ITPRIP: variants seen among roughly 807,000 people sequenced by gnomAD.
ITPRIP encodes inositol 1,4,5-trisphosphate receptor interacting protein.
A neutral mutation model predicts 35.8 loss-of-function variants in ITPRIP; 32 were observed. The observed-to-expected ratio is 0.89, with a 90% CI of 0.68 to 1.20. ITPRIP has a LOEUF of 1.20. Among genes scored for constraint, ITPRIP ranks in the 50% most tolerant of loss-of-function variants. The pLI, the probability that ITPRIP is intolerant of heterozygous loss-of-function variation, is 0.00. For missense variants in ITPRIP, 653 were observed against 735.6 expected, an observed-to-expected ratio of 0.89 and a Z score of 1.30; for synonymous variants, 358 against 324.0, an observed-to-expected ratio of 1.11 and a Z score of -1.13.
chr10:104,314,616 A>C lies in ITPRIP; in HGVS notation c.1436T>G (p.Ile479Ser). ...LLQKKLHHFF[I>S]GNRKVPEAMG... The stretch of plus-strand genomic sequence containing the variant: ...GGCCTCAGGCACCTTGCGGTTGCCG[A>C]TGAAGAAGTGGTGGAGCTTCTTCTG... Residue 479 changes from isoleucine to serine, a missense_variant, in exon 2 of 2, where the codon ATC becomes AGC. Transcript: ENST00000337478. The C allele has an allele frequency of 6.2e-7, 1 of 1,614,182 alleles. No homozygotes were observed. The highest frequency in any genetic ancestry group is 1.1e-5 in the South Asian group (1 of 91,090).
chr10:104,314,037 G>C lies in ITPRIP; in HGVS notation c.*371C>G. ...TTGTAGATCCTCTGCTCATATTCAAGTACAGACTGGATCTGGGATTCAAAA... is the reference window on the plus strand; with the variant it reads ...TTGTAGATCCTCTGCTCATATTCAACTACAGACTGGATCTGGGATTCAAAA... On this transcript the variant is annotated 3_prime_UTR_variant, in exon 2 of 2. Transcript: ENST00000337478. The C allele has an allele frequency of 2.9e-6, 3 of 1,030,672 alleles. No homozygotes were observed. Among genetic ancestry groups the C allele is most frequent in the Non-Finnish European group, 3.5e-6 (3 of 857,618 alleles). 63.8% of individuals were successfully genotyped at this position (1,030,672 alleles called of 1,614,324 possible).
intron 1 of ITPRIP, among the ~76,000 whole-genome samples, chr10:104,334,583 A>C (rs543235791): frequency 6.6e-6 from 1 of 152,342 alleles, no homozygotes; most frequent in South Asian, 2.1e-4. Flanking sequence ...ACATTATGAG[A>C]GAGGAAAGGG....
In ITPRIP at chr10:104,328,452, G is replaced by T. The variant is rs146523795; in HGVS notation, c.-14+9794C>A. 0.011 allele frequency among the ~76,000 whole-genome samples: 1,708 copies of T among 152,126 alleles called. 24 individuals are homozygous for T. Among genetic ancestry groups the T allele is most frequent in the Non-Finnish European group, 0.017 (1,170 of 68,004 alleles). On this transcript the variant is annotated intron_variant, in intron 1 of 1. Transcript: ENST00000337478. This position sits in a 1 kb window ranked among gnomAD's most constrained non-coding sequence, Gnocchi z 4.1. Reference sequence around the variant, plus strand: ...CCTGCCTCCAAGCAGAGCCACAAACGTTCAGGCAAAACCACACTTTCTCAG... The same window carrying T: ...CCTGCCTCCAAGCAGAGCCACAAACTTTCAGGCAAAACCACACTTTCTCAG...
At position 104,315,191 on chromosome 10, in the gene ITPRIP, C is replaced by G. The variant is rs2013623618; in HGVS notation, c.861G>C (p.Leu287=). The G allele has an allele frequency of 1.2e-6, 2 of 1,614,116 alleles. No homozygotes were observed. The highest frequency in any genetic ancestry group is 2.7e-5 in the African/African-American group (2 of 75,058). Residue 287 remains leucine, a synonymous_variant, in exon 2 of 2, where the codon CTG becomes CTC. Coordinates refer to ENST00000337478, the MANE Select transcript of ITPRIP (RefSeq NM_001272013.2). The surrounding 1 kb of genome is among the most constrained non-coding windows in gnomAD (Gnocchi z 5.7). ...CCAGGTACAGGGAATCTGTGGCACA[C>G]AGCAGGTTCTCCATGTCGCCGCAGG... is the stretch of plus-strand genomic sequence containing the variant. ...APPCGDMENL[L]CATDSLYLDT... is the part of the protein sequence containing the mutation.
chr10:104,325,393 T>C (rs534150370), intron 1 of ITPRIP, among the ~76,000 whole-genome samples: 192 of 152,122 alleles, frequency 1.3e-3, no homozygotes, highest in African/African-American at 4.2e-3. Context: ...AGTCCATGAC[T>C]CCCTGAAATA....
At chr10:104,322,569 A>C (rs980995288) in intron 1 of ITPRIP, among the ~76,000 whole-genome samples, 5 of 152,232 alleles carry the variant, frequency 3.3e-5, no homozygotes, top group Admixed American at 6.5e-5. Flanking sequence ...CTTATGTCTG[A>C]GAACCATCCC....
intron 1 of ITPRIP, among the ~76,000 whole-genome samples, chr10:104,337,251 A>G (rs1327808823): frequency 2.6e-5 from 4 of 152,236 alleles, no homozygotes; most frequent in Non-Finnish European, 5.9e-5. Context: ...AGGCAAGAGC[A>G]CTGGGTCATA....
chr10:104,325,038 C>T (rs993643363), intron 1 of ITPRIP, among the ~76,000 whole-genome samples: 3 of 152,104 alleles, frequency 2.0e-5, no homozygotes, highest in Non-Finnish European at 4.4e-5. Flanking sequence ...GGCAACATGG[C>T]GAAGCCCCGT....
intron 1 of ITPRIP, among the ~76,000 whole-genome samples, chr10:104,332,372 A>G (rs1405035663): frequency 6.6e-6 from 1 of 152,254 alleles, no homozygotes. Context: ...AGCCACCGAA[A>G]TGCTGGACAT....
At position 104,309,905 on chromosome 10, in the gene ITPRIP, T is replaced by G. The variant is rs1374915116; in HGVS notation, c.*4503A>C. The G allele has an allele frequency of 6.6e-6, 1 of 152,230 alleles. No homozygotes were observed. Among genetic ancestry groups the G allele is most frequent in the Non-Finnish European group, 1.5e-5 (1 of 68,034 alleles). The allele number at this position is 152,230 out of a possible 1,614,324, so 9.4% of individuals were successfully genotyped here. ...AGTACTTGAATTTTAAAATTATGAC[T>G]GTATTATTGCTTTTATGTTTATTTT... On this transcript the variant is annotated 3_prime_UTR_variant, in exon 2 of 2. Transcript: ENST00000337478.
chr10:104,322,499 T>C (rs1169332346), intron 1 of ITPRIP, among the ~76,000 whole-genome samples: 1 of 152,222 alleles, frequency 6.6e-6, no homozygotes, highest in Admixed American at 6.5e-5. Context: ...TGATCAGAAA[T>C]GCCAGGGCTG....
At chr10:104,325,776 G>T (rs1404682227) in intron 1 of ITPRIP, among the ~76,000 whole-genome samples, 1 of 152,220 alleles carries the variant, frequency 6.6e-6, no homozygotes, top group Admixed American at 6.5e-5. Context: ...AGGCCTAATG[G>T]TGCTGCGCTA....
intron 1 of ITPRIP, among the ~76,000 whole-genome samples, chr10:104,322,741 G>A (rs2013886373): frequency 6.6e-6 from 1 of 152,192 alleles, no homozygotes; most frequent in African/African-American, 2.4e-5. Flanking sequence ...CTGGCGTCAC[G>A]TTCAGAGCCA....
At chr10:104,316,971 T>C (rs2013709547) in intron 1 of ITPRIP, among the ~76,000 whole-genome samples, 1 of 152,174 alleles carries the variant, frequency 6.6e-6, no homozygotes, top group Non-Finnish European at 1.5e-5. Context: ...TCTCACAGGG[T>C]CATGGTATTG....
At chr10:104,336,959 G>C (rs141145942) in intron 1 of ITPRIP, among the ~76,000 whole-genome samples, 4 of 152,334 alleles carry the variant, frequency 2.6e-5, no homozygotes, top group African/African-American at 9.6e-5. Flanking sequence ...AGGGAGAGCA[G>C]AGAGTCAGTA....
intron 1 of ITPRIP, among the ~76,000 whole-genome samples, chr10:104,319,193 C>T (rs2013777449): frequency 6.6e-6 from 1 of 152,256 alleles, no homozygotes; most frequent in East Asian, 1.9e-4. Flanking sequence ...CACGCTTTCC[C>T]TGTGAGGAGG....
intron 1 of ITPRIP, among the ~76,000 whole-genome samples, chr10:104,319,459 C>T (rs1373595118): frequency 1.3e-5 from 2 of 152,202 alleles, no homozygotes; most frequent in Non-Finnish European, 2.9e-5. Flanking sequence ...CTGAGTCCAC[C>T]CTGGCCCCCA....
chr10:104,330,292 T>A (rs1285243507), intron 1 of ITPRIP, among the ~76,000 whole-genome samples: 1 of 152,234 alleles, frequency 6.6e-6, no homozygotes. Flanking sequence ...TAAAGTAACT[T>A]CTACATTCTT....
intron 1 of ITPRIP, among the ~76,000 whole-genome samples, chr10:104,336,713 C>T (rs2014243040): frequency 6.6e-6 from 1 of 152,116 alleles, no homozygotes; most frequent in South Asian, 2.1e-4. Context: ...CAGACTCTTT[C>T]CTAACTGTTG....
Sources: allele counts gnomAD v4.1 joint callset (sites outside exome capture counted in the v4.1 genomes callset), GRCh38; gene constraint gnomAD v4.1.1; non-coding constraint Gnocchi (gnomAD v3.1); transcripts MANE v1.5; gene names NCBI Gene and HGNC (gene_info 2026-07-23, HGNC 2026-07-21).